The following KANSL1L variants were observed in gnomAD, a reference collection of about 807,000 sequenced individuals.
KANSL1L encodes KAT8 regulatory NSL complex subunit 1 like.
Under a neutral mutation model 108.6 loss-of-function variants are expected in KANSL1L, and 25 were observed. The observed-to-expected ratio is 0.23, with a 90% CI of 0.17 to 0.32. The LOEUF is 0.32. Ranked by LOEUF, KANSL1L falls within the 10% of genes least tolerant of loss-of-function variation. The pLI is 1.00. For missense variants in KANSL1L, 1,137 were observed against 1,125.7 expected, an observed-to-expected ratio of 1.01 and a Z score of -0.14; for synonymous variants, 405 against 395.1, an observed-to-expected ratio of 1.03 and a Z score of -0.30.
At chr2:210,056,052 C>G (rs2094346664) in intron 6 of KANSL1L, among the ~76,000 whole-genome samples, 1 of 152,250 alleles carries the variant, frequency 6.6e-6, no homozygotes, top group Admixed American at 6.5e-5. Flanking sequence ...GCCCAGGACC[C>G]CCCTGCTCTG....
chr2:210,133,107 TC>T (rs1189762837), intron 2 of KANSL1L, among the ~76,000 whole-genome samples: 1 of 152,132 alleles, frequency 6.6e-6, no homozygotes, highest in Non-Finnish European at 1.5e-5. Context: ...AATACAGTCA[TC>T]CCTTAGTATA....
intron 6 of KANSL1L, among the ~76,000 whole-genome samples, chr2:210,053,872 G>A (rs1286908626): frequency 2.0e-5 from 3 of 151,776 alleles, no homozygotes; most frequent in Non-Finnish European, 4.4e-5. Flanking sequence ...TAGATAAAGA[G>A]CTCCTACAAA....
At chr2:210,128,669 T>C (rs149328082) in intron 3 of KANSL1L, among the ~76,000 whole-genome samples, 4 of 152,242 alleles carry the variant, frequency 2.6e-5, no homozygotes, top group Admixed American at 1.3e-4. Context: ...TGGAGATGGA[T>C]AGCGACAGAT....
chr2:210,112,763 ACAGGAACCAC>A (rs911424933), intron 3 of KANSL1L, among the ~76,000 whole-genome samples: 1 of 152,208 alleles, frequency 6.6e-6, no homozygotes, highest in African/African-American at 2.4e-5. Flanking sequence ...ATGTGTTGGA[ACAGGAACCAC>A]CAGGAATCTG....
intron 4 of KANSL1L, among the ~76,000 whole-genome samples, chr2:210,099,842 A>G (rs2125414024): frequency 6.6e-6 from 1 of 152,348 alleles, no homozygotes; most frequent in Admixed American, 6.5e-5. Flanking sequence ...TCATATGGGG[A>G]ATAGAAAAGT....
chr2:210,133,214 C>T (rs2095142776), intron 2 of KANSL1L, among the ~76,000 whole-genome samples: 1 of 152,070 alleles, frequency 6.6e-6, no homozygotes, highest in African/African-American at 2.4e-5. Context: ...AAGCTACATA[C>T]ACTCCATTGT....
At chr2:210,031,184 C>T (rs2094010813) in intron 9 of KANSL1L, 1 of 372,344 alleles carries the variant, frequency 2.7e-6, no homozygotes. Context: ...TGGTAGAAGA[C>T]AACTAGTCAG....
rs1249460267 is a variant in KANSL1L at position 210,154,380 on chromosome 2, A to T, written c.203T>A (p.Phe68Tyr). The change falls in exon 2 of 15, where the codon TTT becomes TAT. Residue 68 changes from phenylalanine (F) to tyrosine (Y), a missense_variant. By Grantham distance (22) the Phe-to-Tyr change is conservative. Transcript: ENST00000281772. ...LNTNFVNLKHFGSPQSSKHYQ... is the reference protein window; with the variant it reads ...LNTNFVNLKHYGSPQSSKHYQ... ...ATGTTTTGAAGACTGAGGGGAGCCA[A>T]AATGTTTTAAATTCACAAAATTAGT... is the stretch of plus-strand genomic sequence containing the variant. The T allele has an allele frequency of 6.2e-7, 1 of 1,610,394 alleles. No homozygotes were observed. Among genetic ancestry groups the T allele is most frequent in the East Asian group, 2.2e-5 (1 of 44,850 alleles).
Position 210,104,228 on chromosome 2 carries a change from G to A in KANSL1L, c.1304C>T (p.Ala435Val). Residue 435 changes from alanine to valine, a missense_variant, in exon 4 of 15, where the codon GCA becomes GTA. Coordinates refer to ENST00000281772, the MANE Select transcript of KANSL1L (RefSeq NM_152519.4). The stretch of plus-strand genomic sequence containing the variant: ...ATTCCCTAGAATGTTTAGTGAAGCT[G>A]CTTGGTCTGCAAATTGCATTTGTTT... ...LKKQMQFADQ[A>V]ASLNILGNPQ... 6.2e-7 allele frequency: 1 copy of A among 1,613,720 alleles called. No homozygotes were observed. The highest frequency in any genetic ancestry group is 1.1e-5 in the South Asian group (1 of 91,070).
chr2:210,105,378 T>A (rs567109892), intron 3 of KANSL1L, among the ~76,000 whole-genome samples: 103 of 144,422 alleles, frequency 7.1e-4, no homozygotes, highest in East Asian at 1.8e-3. Context: ...AAAAAAAATA[T>A]ATATATATAT....
At chr2:210,089,035 G>T in intron 5 of KANSL1L, 1 of 167,444 alleles carries the variant, frequency 6.0e-6, no homozygotes, top group South Asian at 1.6e-4. Flanking sequence ...CCTGATGAAT[G>T]GAATTTACCC....
chr2:210,101,969 C>T (rs1323596209), intron 4 of KANSL1L, among the ~76,000 whole-genome samples: 1 of 152,198 alleles, frequency 6.6e-6, no homozygotes, highest in Non-Finnish European at 1.5e-5. Context: ...AATGGCTCAG[C>T]TTTAAAGTAA....
chr2:210,142,094 AT>A (rs553367599), intron 2 of KANSL1L, among the ~76,000 whole-genome samples: 15 of 146,734 alleles, frequency 1.0e-4, no homozygotes, highest in East Asian at 2.0e-4. Context: ...CTCCTCTTCA[AT>A]TTTTTTTTTA....
intron 5 of KANSL1L, among the ~76,000 whole-genome samples, chr2:210,085,818 C>T (rs967173350): frequency 6.6e-6 from 1 of 150,936 alleles, no homozygotes; most frequent in African/African-American, 2.4e-5. Flanking sequence ...GGTTGTACCA[C>T]AATTTATTAA....
intron 3 of KANSL1L, among the ~76,000 whole-genome samples, chr2:210,116,219 G>A (rs2094952562): frequency 6.6e-6 from 1 of 152,180 alleles, no homozygotes; most frequent in Admixed American, 6.5e-5. Flanking sequence ...AAAGAGGAAG[G>A]AAGGGTAGGG....
chr2:210,083,475 T>C (rs1347945944), intron 5 of KANSL1L, among the ~76,000 whole-genome samples: 1 of 152,182 alleles, frequency 6.6e-6, no homozygotes, highest in Non-Finnish European at 1.5e-5. Context: ...ATACTTTCCC[T>C]ACTACACAAA....
At chr2:210,167,885 T>C (rs1220888595) in intron 1 of KANSL1L, among the ~76,000 whole-genome samples, 1 of 151,976 alleles carries the variant, frequency 6.6e-6, no homozygotes, top group East Asian at 1.9e-4. Context: ...CCGTTTTTAT[T>C]AACATTTGCT....
chr2:210,100,249 G>A (rs539117995), intron 4 of KANSL1L, among the ~76,000 whole-genome samples: 1 of 152,200 alleles, frequency 6.6e-6, no homozygotes, highest in East Asian at 1.9e-4. Context: ...ATCTGAGGTG[G>A]AACAGTTTCA....
chr2:210,141,233 T>C (rs771914424), intron 2 of KANSL1L, among the ~76,000 whole-genome samples: 10 of 152,146 alleles, frequency 6.6e-5, no homozygotes, highest in Middle Eastern at 6.8e-3. Flanking sequence ...CTCTTTTATT[T>C]ATTTATTTTT....
Sources: allele counts gnomAD v4.1 joint callset (sites outside exome capture counted in the v4.1 genomes callset), GRCh38; gene constraint gnomAD v4.1.1; transcripts MANE v1.5; gene names NCBI Gene and HGNC (gene_info 2026-07-23, HGNC 2026-07-21).